DENND2B: variants seen among roughly 807,000 people sequenced by gnomAD.
DENND2B encodes DENN domain containing 2B, also known as DENN domain-containing protein 2B.
Under a neutral mutation model 116.0 loss-of-function variants are expected in DENND2B, and 32 were observed. The ratio of observed to expected loss-of-function variants is 0.28; its 90% CI spans 0.21 to 0.37. DENND2B has a LOEUF of 0.37. Among genes scored for constraint, DENND2B ranks in the 10% least tolerant of loss-of-function variants. DENND2B has a pLI of 1.00. For missense variants in DENND2B, 1,276 were observed against 1,477.7 expected, an observed-to-expected ratio of 0.86 and a Z score of 2.24; for synonymous variants, 588 against 583.9, an observed-to-expected ratio of 1.01 and a Z score of -0.10.
At chr11:8,764,805 C>T (rs894452518) in intron 1 of DENND2B, among the ~76,000 whole-genome samples, 12 of 151,844 alleles carry the variant, frequency 7.9e-5, no homozygotes, top group Admixed American at 4.6e-4. Context: ...ATTAGCTGGG[C>T]GTTGTGGTGG....
chr11:8,872,948 G>A (rs1594324443), upstream of DENND2B, among the ~76,000 whole-genome samples: 1 of 152,144 alleles, frequency 6.6e-6, no homozygotes, highest in South Asian at 2.1e-4. Context: ...CAGGAGACCT[G>A]GGCCATATTT....
chr11:8,727,123 C>T (rs2047208257), intron 3 of DENND2B, among the ~76,000 whole-genome samples: 2 of 152,204 alleles, frequency 1.3e-5, no homozygotes, highest in African/African-American at 4.8e-5. Context: ...CCCTCTCCCT[C>T]TCCAAGGCAA....
intron 1 of DENND2B, among the ~76,000 whole-genome samples, chr11:8,806,885 C>T (rs2134461532): frequency 6.6e-6 from 1 of 151,624 alleles, no homozygotes; most frequent in East Asian, 2.0e-4. Context: ...AAAGACAAAT[C>T]TCTGCAGACT....
At chr11:8,711,303 TCC>T (rs1194200492) in intron 9 of DENND2B, 72 bp from the exon 10 acceptor site, 1 of 1,344,656 alleles carries the variant, frequency 7.4e-7, no homozygotes, top group Non-Finnish European at 1.1e-6. Context: ...AAGCCCCTCC[TCC>T]CCTGAGGGCC....
intron 1 of DENND2B, among the ~76,000 whole-genome samples, chr11:8,902,403 G>A (rs1162859710): frequency 6.6e-6 from 1 of 151,706 alleles, no homozygotes; most frequent in African/African-American, 2.4e-5. Flanking sequence ...CTTGAATTTT[G>A]TCAGTTTTTG....
At position 8,730,064 on chromosome 11, in the gene DENND2B, C is replaced by T. The variant is rs1438392750; in HGVS notation, c.1226G>A (p.Gly409Asp). ...AGCAGGTGTGGGTGAAGGAGGTAGACCATTACTGGGCTTACTCTTGGGGTT... is the reference window on the plus strand; with the variant it reads ...AGCAGGTGTGGGTGAAGGAGGTAGATCATTACTGGGCTTACTCTTGGGGTT... ...DKNPKSKPSN[G>D]LPPSPTPAAP... The change falls in exon 3 of 20, where the codon GGT becomes GAT. Residue 409 changes from glycine to aspartate, a missense_variant. Coordinates refer to ENST00000313726, the MANE Select transcript of DENND2B (RefSeq NM_213618.2). This position sits in a 1 kb window ranked among gnomAD's most constrained non-coding sequence, Gnocchi z 4.1. The T allele has an allele frequency of 1.9e-6, 3 of 1,614,030 alleles. No homozygotes were observed. Among genetic ancestry groups the T allele is most frequent in the East Asian group, 2.2e-5 (1 of 44,892 alleles).
intron 1 of DENND2B, among the ~76,000 whole-genome samples, chr11:8,885,882 T>C (rs956555934): frequency 1.3e-5 from 2 of 152,188 alleles, no homozygotes; most frequent in Non-Finnish European, 2.9e-5. Context: ...TACATTGAAT[T>C]TTCTGAAAGA....
At chr11:8,830,677 C>A (rs527304147) in intron 4 of DENND2B, 1 of 152,308 alleles carries the variant, frequency 6.6e-6, no homozygotes, top group Non-Finnish European at 1.5e-5. Context: ...ACCCTCCCAA[C>A]TCCTAAAGTA....
At position 8,717,795 on chromosome 11, in the gene DENND2B, A is replaced by G; in HGVS notation, c.1575T>C (p.Ser525=). The G allele has an allele frequency of 6.2e-7, 1 of 1,610,200 alleles. No individual in the cohort carries two copies. Among genetic ancestry groups the G allele is most frequent in the East Asian group, 2.2e-5 (1 of 44,740 alleles). Reference sequence around the variant, plus strand: ...CCTGAGGACTCCACATCCTGTGCAAAGAGTCCAAGGAGTTCTCAGACAGTT... The same window carrying G: ...CCTGAGGACTCCACATCCTGTGCAAGGAGTCCAAGGAGTTCTCAGACAGTT... The part of the protein sequence containing the change: ...SQQLSENSLD[S]LHRMWSPQDR... The change falls in exon 5 of 20, where the codon TCT becomes TCC. Residue 525 remains serine, a synonymous_variant. Coordinates refer to ENST00000313726, the MANE Select transcript of DENND2B (RefSeq NM_213618.2).
At chr11:8,700,422 T>C (rs1447111603) in intron 14 of DENND2B, among the ~76,000 whole-genome samples, 3 of 152,226 alleles carry the variant, frequency 2.0e-5, no homozygotes, top group Non-Finnish European at 4.4e-5. Flanking sequence ...TATGGAAAAG[T>C]CAGCAGCTCT....
intron 2 of DENND2B, among the ~76,000 whole-genome samples, chr11:8,878,484 G>A (rs1369206253): frequency 3.9e-5 from 6 of 151,932 alleles, no homozygotes; most frequent in African/African-American, 1.2e-4. Context: ...CCACCTCCTG[G>A]GTTCAAGCAG....
chr11:8,694,908 T>C (rs574109660), intron 19 of DENND2B, among the ~76,000 whole-genome samples: 1 of 152,066 alleles, frequency 6.6e-6, no homozygotes, highest in South Asian at 2.1e-4. Context: ...AAACAAATTT[T>C]AAAAATAGCC....
intron 3 of DENND2B, chr11:8,857,320 T>C (rs768173982): frequency 3.9e-5 from 6 of 152,198 alleles, no homozygotes; most frequent in Non-Finnish European, 7.3e-5. Flanking sequence ...ACTAAAATGA[T>C]ACTAGGCCCT....
intron 1 of DENND2B, among the ~76,000 whole-genome samples, chr11:8,754,303 A>G (rs887153378): frequency 6.6e-6 from 1 of 152,230 alleles, no homozygotes; most frequent in Non-Finnish European, 1.5e-5. Flanking sequence ...AACTTGGCCA[A>G]TAAGCATACG....
At chr11:8,835,675 C>G (rs1021281778) in intron 4 of DENND2B, 1 of 152,164 alleles carries the variant, frequency 6.6e-6, no homozygotes, top group Non-Finnish European at 1.5e-5. Context: ...TACTGAGAAT[C>G]GGAGTGCCAG....
At chr11:8,820,422 T>G (rs748699610) in intron 4 of DENND2B, among the ~76,000 whole-genome samples, 3 of 152,322 alleles carry the variant, frequency 2.0e-5, no homozygotes, top group Non-Finnish European at 2.9e-5. Flanking sequence ...GAGAATATCC[T>G]AAGAGAAAAT....
At chr11:8,798,466 C>T (rs767292161) in intron 1 of DENND2B, among the ~76,000 whole-genome samples, 1 of 152,152 alleles carries the variant, frequency 6.6e-6, no homozygotes, top group African/African-American at 2.4e-5. Flanking sequence ...TCCCAACCCC[C>T]CCAATGACAA....
Position 8,693,933 on chromosome 11 carries a change from A to G in DENND2B, c.*163T>C. 1 of 637,926 alleles carries G rather than the reference A, an allele frequency of 1.6e-6. No individual in the cohort carries two copies. The highest frequency in any genetic ancestry group is 2.7e-6 in the Non-Finnish European group (1 of 370,880). The allele number at this position is 637,926 out of a possible 1,614,324, so 39.5% of individuals were successfully genotyped here. On this transcript the variant is annotated 3_prime_UTR_variant, in exon 20 of 20. Transcript: ENST00000313726. ...TAAGAAAGCTTACAGCAGATTATTTACAAACAGTATCCTGGGATATGATGA... is the reference window on the plus strand; with the variant it reads ...TAAGAAAGCTTACAGCAGATTATTTGCAAACAGTATCCTGGGATATGATGA...
chr11:8,694,824 T>C (rs1382292732), intron 19 of DENND2B, among the ~76,000 whole-genome samples: 1 of 151,984 alleles, frequency 6.6e-6, no homozygotes, highest in African/African-American at 2.4e-5. Flanking sequence ...CTTTGGGAGG[T>C]CAATATGGGA....
Sources: allele counts gnomAD v4.1 joint callset (sites outside exome capture counted in the v4.1 genomes callset), GRCh38; gene constraint gnomAD v4.1.1; non-coding constraint Gnocchi (gnomAD v3.1); transcripts MANE v1.5; gene names NCBI Gene and HGNC (gene_info 2026-07-23, HGNC 2026-07-21).